The following DHTKD1 variants were observed in gnomAD, a reference collection of about 807,000 sequenced individuals.
The protein encoded by DHTKD1 is dehydrogenase E1 and transketolase domain containing 1.
A neutral mutation model predicts 101.8 loss-of-function variants in DHTKD1; 78 were observed. That is an observed-to-expected ratio of 0.77 (90% CI 0.64 to 0.93). DHTKD1 has a LOEUF of 0.93. Ranked by LOEUF, DHTKD1 falls within the 40% of genes least tolerant of loss-of-function variation. The probability of loss-of-function intolerance (pLI) is 0.00; values close to 1 mark genes in which losing one functional copy is unlikely to be tolerated. For synonymous variants in DHTKD1, 462 were observed against 450.3 expected, an observed-to-expected ratio of 1.03 and a Z score of -0.33; for missense variants, 1,223 against 1,161.7, an observed-to-expected ratio of 1.05 and a Z score of -0.77.
chr10:12,120,582 C>T (rs896176144), intron 16 of DHTKD1, among the ~76,000 whole-genome samples: 10 of 152,056 alleles, frequency 6.6e-5, no homozygotes, highest in African/African-American at 2.2e-4. Flanking sequence ...GTGATCCGCC[C>T]ACCTCGGCCT....
At position 12,113,220 on chromosome 10, in the gene DHTKD1, C is replaced by T. The variant is rs901451465; in HGVS notation, c.2319+156C>T. ...TCATTTTTTTTGTTGTTTTTTGAGA[C>T]GCAGTCTTGCTCTGTCGCCCAGGCT... On this transcript the variant is annotated intron_variant, in intron 13 of 16. Transcript: ENST00000263035. Among the ~76,000 whole-genome samples the T allele has an allele frequency of 3.3e-5, 5 of 152,158 alleles. No homozygotes were observed. The South Asian group carries it at 6.2e-4, about 19-fold the overall frequency.
Position 12,087,391 on chromosome 10 carries a change from C to T in DHTKD1, c.523-144C>T, listed in dbSNP as rs975562297. 55 of 624,126 alleles carry T rather than the reference C, an allele frequency of 8.8e-5. No individual in the cohort carries two copies. The highest frequency in any genetic ancestry group is 2.2e-5 in the South Asian group (1 of 45,060). 38.7% of individuals were successfully genotyped at this position (624,126 alleles called of 1,614,324 possible). ...ATCCCGCTGTGTCCGTGTTATGTCT[C>T]TCTCCGGGATATGTAGTAAAGTGGC... On this transcript the variant is annotated intron_variant, in intron 3 of 16. Coordinates refer to ENST00000263035, the MANE Select transcript of DHTKD1 (RefSeq NM_018706.7). This position sits in a 1 kb window ranked among gnomAD's most constrained non-coding sequence, Gnocchi z 5.2.
intron 1 of DHTKD1, among the ~76,000 whole-genome samples, chr10:12,070,635 C>A (rs577264696): frequency 1.1e-4 from 17 of 152,170 alleles, no homozygotes; most frequent in Admixed American, 1.0e-3. Flanking sequence ...ATTACAGGCA[C>A]CTGCCACCAT....
intron 16 of DHTKD1, 21 bp downstream of exon 16, chr10:12,120,288 G>C (rs772450369): frequency 3.1e-6 from 5 of 1,596,656 alleles, no homozygotes; most frequent in Admixed American, 1.7e-5. Flanking sequence ...GTTTTCTCTG[G>C]TAGTGTTTTG....
At chr10:12,101,010 G>A (rs776293047) in intron 9 of DHTKD1, 32 bp from the exon 10 acceptor site, 2 of 1,611,332 alleles carry the variant, frequency 1.2e-6, no homozygotes, top group South Asian at 1.1e-5. Flanking sequence ...TTATTTATGG[G>A]AATCTGACTT....
rs1215944010 is a variant in DHTKD1, at chr10:12,121,166, G to A, written c.*278G>A. 5.9e-6 allele frequency: 2 copies of A among 340,970 alleles called. No homozygotes were observed. Among genetic ancestry groups the A allele is most frequent in the African/African-American group, 4.6e-5 (2 of 43,624 alleles). The allele number at this position is 340,970 out of a possible 1,614,324, so 21.1% of individuals were successfully genotyped here. On this transcript the variant is annotated 3_prime_UTR_variant, in exon 17 of 17. Transcript: ENST00000263035. The stretch of plus-strand genomic sequence containing the variant: ...ATCTGGGAGGCGGAGGTTGCAGTGA[G>A]CCAGGATCACACCATTGCTGTCCAG...
At chr10:12,074,709 G>A (rs1832700630) in intron 1 of DHTKD1, among the ~76,000 whole-genome samples, 1 of 150,230 alleles carries the variant, frequency 6.7e-6, no homozygotes, top group Admixed American at 6.6e-5. Flanking sequence ...CTGCACTCCA[G>A]CCTGGGCCAC....
chr10:12,100,329 A>G lies in DHTKD1; in HGVS notation c.1756+67A>G, dbSNP rs1588613437. On this transcript the variant is annotated intron_variant, in intron 9 of 16. Coordinates refer to ENST00000263035, the MANE Select transcript of DHTKD1 (RefSeq NM_018706.7). ...GTCTCACCCTGTCGCCCAGGCTGGAATGCAGTGGTGCGATCTCAGCTCACT... is the reference window on the plus strand; with the variant it reads ...GTCTCACCCTGTCGCCCAGGCTGGAGTGCAGTGGTGCGATCTCAGCTCACT... 8 of 539,450 alleles carry G rather than the reference A, an allele frequency of 1.5e-5. No individual in the cohort carries two copies. In the South Asian group the frequency reaches 1.8e-4, roughly 12 times the overall value. The allele number at this position is 539,450 out of a possible 1,614,324, so 33.4% of individuals were successfully genotyped here.
intron 7 of DHTKD1, 142 bp downstream of exon 7, chr10:12,094,413 G>A (rs1833037752): frequency 2.8e-6 from 2 of 723,136 alleles, no homozygotes; most frequent in Non-Finnish European, 2.4e-6. Flanking sequence ...CACCTCCCGG[G>A]TTCAAATGAT....
At position 12,122,403 on chromosome 10, in the gene DHTKD1, G is replaced by A. The variant is rs1054154659; in HGVS notation, c.*1515G>A. ...AGGCTGAGATGGGTGGATCACCTGA[G>A]GTTGGGAGTTCGAGACCAGCCTGAC... On this transcript the variant is annotated 3_prime_UTR_variant, in exon 17 of 17. Coordinates refer to ENST00000263035, the MANE Select transcript of DHTKD1 (RefSeq NM_018706.7). The A allele has an allele frequency of 6.6e-6, 1 of 152,174 alleles. No homozygotes were observed. Among genetic ancestry groups the A allele is most frequent in the African/African-American group, 2.4e-5 (1 of 41,432 alleles). 9.4% of individuals were successfully genotyped at this position (152,174 alleles called of 1,614,324 possible). A position where few individuals can be genotyped will look rare whatever the true frequency, so the allele number is the denominator to read the frequency against.
At chr10:12,104,678 C>T (rs534097666) in intron 10 of DHTKD1, among the ~76,000 whole-genome samples, 7 of 152,206 alleles carry the variant, frequency 4.6e-5, no homozygotes, top group African/African-American at 9.6e-5. Flanking sequence ...ACTGCAGCCT[C>T]GACCTCCTGT....
rs1472316505 is a variant in DHTKD1 at position 12,110,874 on chromosome 10, C to G, written c.2155-2026C>G. On this transcript the variant is annotated intron_variant, in intron 12 of 16. Coordinates refer to ENST00000263035, the MANE Select transcript of DHTKD1 (RefSeq NM_018706.7). This position sits in a 1 kb window ranked among gnomAD's most constrained non-coding sequence, Gnocchi z 4.9. ...GCAACATGGTGAGACCCCATTTCTGCTAAAAATAAAACTAAAAAAATTAGC... is the reference window on the plus strand; with the variant it reads ...GCAACATGGTGAGACCCCATTTCTGGTAAAAATAAAACTAAAAAAATTAGC... 3.3e-5 allele frequency among the ~76,000 whole-genome samples: 5 copies of G among 151,684 alleles called. 1 individual carries two copies. The Admixed American group carries it at 3.3e-4, about 10-fold the overall frequency.
intron 13 of DHTKD1, among the ~76,000 whole-genome samples, chr10:12,113,770 A>T (rs1833371910): frequency 6.6e-6 from 1 of 151,978 alleles, no homozygotes; most frequent in Admixed American, 6.6e-5. Flanking sequence ...TGAAAAAAAA[A>T]ATTGGCCGGT....
chr10:12,098,133 C>T, intron 8 of DHTKD1, 137 bp downstream of exon 8: 1 of 803,634 alleles, frequency 1.2e-6, no homozygotes, highest in East Asian at 2.7e-5. Flanking sequence ...GAAACTGATC[C>T]TAGTGTTGTT....
rs759279882 is a variant in DHTKD1 at position 12,081,621 on chromosome 10, A to T, written c.304A>T (p.Thr102Ser). The T allele has an allele frequency of 6.2e-7, 1 of 1,614,072 alleles. No homozygotes were observed. Among genetic ancestry groups the T allele is most frequent in the East Asian group, 2.2e-5 (1 of 44,860 alleles). The change falls in exon 2 of 17, where the codon ACG becomes TCG. Residue 102 changes from threonine to serine, a missense_variant. Physicochemically the swap from Thr to Ser is moderately conservative, Grantham distance 58 (BLOSUM62 1). Coordinates refer to ENST00000263035, the MANE Select transcript of DHTKD1 (RefSeq NM_018706.7). ...GCAGACACTGCAGGGACCCTTCCACACGGCAGGTATGGCTTCTGCACAGCA... is the reference window on the plus strand; with the variant it reads ...GCAGACACTGCAGGGACCCTTCCACTCGGCAGGTATGGCTTCTGCACAGCA... The part of the protein sequence containing the change: ...LVQTLQGPFH[T>S]AGLLNMGKEE...
At position 12,089,174 on chromosome 10, in the gene DHTKD1, C is replaced by T. The variant is rs779076881; in HGVS notation, c.906C>T (p.Arg302=). The change falls in exon 5 of 17, where the codon CGC becomes CGT. Residue 302 remains arginine (R), a synonymous_variant. Coordinates refer to ENST00000263035, the MANE Select transcript of DHTKD1 (RefSeq NM_018706.7). ...ACCCCGTGGCCGTGGGCAAAACTCG[C>T]GGCAGGCAGCAGTCTCGCCAAGACG... The part of the protein sequence containing the change: ...AVNPVAVGKT[R]GRQQSRQDGD... 26 of 1,614,028 alleles carry T rather than the reference C, an allele frequency of 1.6e-5. No individual in the cohort carries two copies. The highest frequency in any genetic ancestry group is 8.9e-5 in the East Asian group (4 of 44,902).
rs1564391371 is a variant in DHTKD1, at chr10:12,089,100, C to A, written c.832C>A (p.Pro278Thr). The A allele has an allele frequency of 1.2e-6, 2 of 1,614,222 alleles. No individual in the cohort carries two copies. The highest frequency in any genetic ancestry group is 1.7e-6 in the Non-Finnish European group (2 of 1,180,038). ...SVDLYFGAHH[P>T]LHVTMLPNPS... is the part of the protein sequence containing the mutation. ...GGACCTGTACTTTGGGGCGCACCATCCCCTCCATGTGACAATGTTGCCCAA... is the reference window on the plus strand; with the variant it reads ...GGACCTGTACTTTGGGGCGCACCATACCCTCCATGTGACAATGTTGCCCAA... Residue 278 changes from proline to threonine, a missense_variant, in exon 5 of 17, where the codon CCC (proline) becomes ACC (threonine). Transcript: ENST00000263035.
intron 16 of DHTKD1, among the ~76,000 whole-genome samples, chr10:12,120,549 G>A (rs908211635): frequency 2.6e-5 from 4 of 151,912 alleles, no homozygotes; most frequent in African/African-American, 4.8e-5. Context: ...TGTTAGCCAG[G>A]ATAGTCTCAA....
intron 1 of DHTKD1, among the ~76,000 whole-genome samples, chr10:12,072,598 T>G (rs1451070734): frequency 6.6e-6 from 1 of 152,198 alleles, no homozygotes; most frequent in Non-Finnish European, 1.5e-5. Context: ...ATGATGAGTG[T>G]TCTTTGTAAC....
Sources: allele counts gnomAD v4.1 joint callset (sites outside exome capture counted in the v4.1 genomes callset), GRCh38; gene constraint gnomAD v4.1.1; non-coding constraint Gnocchi (gnomAD v3.1); transcripts MANE v1.5; gene names NCBI Gene and HGNC (gene_info 2026-07-23, HGNC 2026-07-21).